The following DCHS2 variants were observed in gnomAD, a reference collection of about 807,000 sequenced individuals.
DCHS2 encodes the protein protocadherin-23.
In DCHS2, 142 loss-of-function variants were observed where a neutral mutation model predicts 182.4. The observed-to-expected ratio is 0.78, with a 90% CI of 0.68 to 0.89. The LOEUF is 0.89. DCHS2 is among the 40% of genes least tolerant of loss of function. DCHS2 has a pLI of 0.00. For synonymous variants in DCHS2, 1,740 were observed against 1,663.3 expected (o/e 1.05, Z -1.12); for missense variants, 4,319 against 4,198.6 (o/e 1.03, Z -0.79).
intron 14 of DCHS2, among the ~76,000 whole-genome samples, chr4:154,266,973 C>G (rs1240583347): frequency 1.3e-5 from 2 of 152,266 alleles, no homozygotes; most frequent in East Asian, 3.9e-4. Context: ...GTCGGCAAAC[C>G]CTTCTCCACC....
In DCHS2 at chr4:154,410,306, CAA is replaced by C. The variant is rs1356608089; in HGVS notation, c.2053-32864_2053-32863del. Among the ~76,000 whole-genome samples, 3 of 150,990 alleles carry C rather than the reference CAA, an allele frequency of 2.0e-5. No individual in the cohort carries two copies. In the East Asian group the frequency reaches 5.8e-4, roughly 29 times the overall value. On this transcript the variant is annotated intron_variant, in intron 1 of 19. Transcript: ENST00000357232. ...TTGATTACTTTAATGAGAAATTCAG[CAA>C]AGAGATGGATATCATACAAAAGAAC...
intron 1 of DCHS2, among the ~76,000 whole-genome samples, chr4:154,432,857 C>G (rs1451049636): frequency 6.6e-6 from 1 of 152,090 alleles, no homozygotes; most frequent in African/African-American, 2.4e-5. Flanking sequence ...GGAGGGAAAG[C>G]AGGGTGTCTA....
chr4:154,293,695 C>T (rs1404469284), intron 13 of DCHS2, among the ~76,000 whole-genome samples: 1 of 152,158 alleles, frequency 6.6e-6, no homozygotes, highest in Non-Finnish European at 1.5e-5. Context: ...CATTTCTCTC[C>T]TCCAGGGTAC....
chr4:154,400,589 T>G (rs945225411), intron 1 of DCHS2, among the ~76,000 whole-genome samples: 1 of 152,192 alleles, frequency 6.6e-6, no homozygotes, highest in Non-Finnish European at 1.5e-5. Context: ...AGGAACCTAC[T>G]CTGAACACCA....
chr4:154,359,272 C>G (rs1444326284), intron 3 of DCHS2, among the ~76,000 whole-genome samples: 1 of 151,894 alleles, frequency 6.6e-6, no homozygotes, highest in Non-Finnish European at 1.5e-5. Context: ...ATAGAGGAAA[C>G]TGTTGTAATC....
At chr4:154,415,311 A>ATGT (rs1732790277) in intron 1 of DCHS2, among the ~76,000 whole-genome samples, 1 of 152,254 alleles carries the variant, frequency 6.6e-6, no homozygotes, top group Non-Finnish European at 1.5e-5. Context: ...ACATAGATTT[A>ATGT]ATTGCATATA....
intron 15 of DCHS2, among the ~76,000 whole-genome samples, chr4:154,257,685 C>A (rs1204178980): frequency 6.6e-6 from 1 of 152,170 alleles, no homozygotes; most frequent in Non-Finnish European, 1.5e-5. Context: ...GGTCAAAAAC[C>A]AGGAAGCAAC....
In DCHS2 at chr4:154,240,744, G is replaced by A. The variant is rs575421801; in HGVS notation, c.7152C>T (p.Ala2384=). Reference sequence around the variant, plus strand: ...ACTTGGTTCCAGGATTACTCTCTTTGGCAAAACTGAATATGAAAGCTGAAT... The same window carrying A: ...ACTTGGTTCCAGGATTACTCTCTTTAGCAAAACTGAATATGAAAGCTGAAT... ...DLNSAFIFSF[A]KESNPGTKFA... The change falls in exon 18 of 20, where the codon GCC becomes GCT. Residue 2384 remains alanine, a synonymous_variant. Coordinates refer to ENST00000357232, the MANE Select transcript of DCHS2 (RefSeq NM_001358235.2). 1 of 1,613,864 alleles carries A rather than the reference G, an allele frequency of 6.2e-7. No homozygotes were observed. The highest frequency in any genetic ancestry group is 1.3e-5 in the African/African-American group (1 of 75,006).
intron 1 of DCHS2, among the ~76,000 whole-genome samples, chr4:154,436,280 A>G (rs886301621): frequency 1.3e-5 from 2 of 152,212 alleles, no homozygotes; most frequent in Non-Finnish European, 2.9e-5. Context: ...TATATCACTT[A>G]CACTGCCCAT....
intron 1 of DCHS2, chr4:154,384,602 G>A (rs1731318876): frequency 7.0e-7 from 1 of 1,430,862 alleles, no homozygotes; most frequent in South Asian, 1.4e-5. Flanking sequence ...ATTAAGTTGA[G>A]GATTTTGAGA....
chr4:154,398,490 A>G (rs1732026665), intron 1 of DCHS2, among the ~76,000 whole-genome samples: 1 of 152,172 alleles, frequency 6.6e-6, no homozygotes, highest in Non-Finnish European at 1.5e-5. Context: ...TTTGACTGTG[A>G]CACTATGGTT....
At position 154,373,859 on chromosome 4, in the gene DCHS2, A is replaced by G. The variant is rs560250101; in HGVS notation, c.2244+3394T>C. 7.4e-5 allele frequency: 103 copies of G among 1,384,744 alleles called. 2 individuals are homozygous for G. In the South Asian group the frequency reaches 1.2e-3, roughly 16 times the overall value. The allele number at this position is 1,384,744 out of a possible 1,614,324, so 85.8% of individuals were successfully genotyped here. A position where few individuals can be genotyped will look rare whatever the true frequency, so the allele number is the denominator to read the frequency against. On this transcript the variant is annotated intron_variant, in intron 2 of 19. Transcript: ENST00000357232. ...GAGAAGGAAAACTCGAAGCTCTGAC[A>G]ACCCATTTCCAGGCACCAGATGTTA...
At chr4:154,384,533 T>C in intron 1 of DCHS2, 1 of 1,546,302 alleles carries the variant, frequency 6.5e-7, no homozygotes, top group Middle Eastern at 1.7e-4. Flanking sequence ...CCCCAGAACC[T>C]ATGACTATTC....
chr4:154,361,609 A>G (rs116404742), intron 3 of DCHS2, among the ~76,000 whole-genome samples: 252 of 152,260 alleles, frequency 1.7e-3, no homozygotes, highest in African/African-American at 5.8e-3. Flanking sequence ...AAGAGAAATG[A>G]AGGCTCAACT....
At chr4:154,310,750 C>T (rs1169515825) in intron 10 of DCHS2, among the ~76,000 whole-genome samples, 6 of 152,186 alleles carry the variant, frequency 3.9e-5, no homozygotes, top group African/African-American at 1.4e-4. Flanking sequence ...TTTATGCAAA[C>T]TCTCCCACTG....
rs1284050294 is a variant in DCHS2, at chr4:154,329,568, C to A, written c.3873G>T (p.Arg1291Ser). ...YVSVTDINDN[R>S]PFFPQCLPGK... ...CAGGGAGACACTGGGGGAAGAAGGG[C>A]CTGTTATCATTGATGTCAGTAACTG... is the stretch of plus-strand genomic sequence containing the variant. The change falls in exon 6 of 20, where the codon AGG becomes AGT. Residue 1291 changes from arginine to serine, a missense_variant. Physicochemically the swap from Arg to Ser is moderately radical, Grantham distance 110. Coordinates refer to ENST00000357232, the MANE Select transcript of DCHS2 (RefSeq NM_001358235.2). 2 of 1,613,594 alleles carry A rather than the reference C, an allele frequency of 1.2e-6. No individual in the cohort carries two copies. Among genetic ancestry groups the A allele is most frequent in the African/African-American group, 1.3e-5 (1 of 74,908 alleles).
intron 16 of DCHS2, 148 bp downstream of exon 16, chr4:154,255,371 T>A: frequency 8.8e-7 from 1 of 1,136,650 alleles, no homozygotes; most frequent in Non-Finnish European, 1.2e-6. Flanking sequence ...TCAAAAAGAG[T>A]AGATCAAAGA....
chr4:154,342,771 G>A (rs556257582), intron 3 of DCHS2, among the ~76,000 whole-genome samples: 160 of 152,158 alleles, frequency 1.1e-3, no homozygotes, highest in African/African-American at 3.8e-3. Flanking sequence ...GAGGGTTGGA[G>A]TCAACTTCTT....
At position 154,302,982 on chromosome 4, in the gene DCHS2, TA is replaced by T. The variant is rs1393678961; in HGVS notation, c.5605+1686del. 4.2e-3 allele frequency among the ~76,000 whole-genome samples: 431 copies of T among 102,738 alleles called. 18 individuals carry two copies. The South Asian group carries it at 0.051, about 12-fold the overall frequency. 67.4% of individuals were successfully genotyped at this position (102,738 alleles called of 152,430 possible). ...ACACACACACACCCACACACACACA[TA>T]TTTTTTTTTTTTTTTGAGACAAAGT... On this transcript the variant is annotated intron_variant, in intron 12 of 19. Coordinates refer to ENST00000357232, the MANE Select transcript of DCHS2 (RefSeq NM_001358235.2).
Sources: allele counts gnomAD v4.1 joint callset (sites outside exome capture counted in the v4.1 genomes callset), GRCh38; gene constraint gnomAD v4.1.1; transcripts MANE v1.5; gene names NCBI Gene and HGNC (gene_info 2026-07-23, HGNC 2026-07-21).